The following TAF1C variants were observed in gnomAD, a reference collection of about 807,000 sequenced individuals.
The protein encoded by TAF1C is TATA-box binding protein associated factor, RNA polymerase I subunit C.
Under a neutral mutation model 70.5 loss-of-function variants are expected in TAF1C, and 79 were observed. The ratio of observed to expected loss-of-function variants is 1.12; its 90% CI spans 0.93 to 1.35. The LOEUF (loss-of-function observed/expected upper bound fraction) is 1.35. Ranked by LOEUF, TAF1C falls within the 40% of genes most tolerant of loss-of-function variation. TAF1C has a pLI of 0.00. For synonymous variants in TAF1C, 614 were observed against 491.1 expected, an observed-to-expected ratio of 1.25 and a Z score of -3.31; for missense variants, 1,412 against 1,127.8, an observed-to-expected ratio of 1.25 and a Z score of -3.61.
chr16:84,180,213 G>A lies in TAF1C; in HGVS notation c.1440C>T (p.Leu480=), dbSNP rs768587408. 23 of 1,540,438 alleles carry A rather than the reference G, an allele frequency of 1.5e-5. No individual in the cohort carries two copies. In the East Asian group the frequency reaches 4.5e-4, roughly 30 times the overall value. The change falls in exon 13 of 15, where the codon CTC becomes CTT. Residue 480 remains leucine, a synonymous_variant. Coordinates refer to ENST00000566732, the MANE Select transcript of TAF1C (RefSeq NM_001243156.2). ...GCAGCTGCCCACCCTGGCCTCCGAG[G>A]AGCAGGGGCTGCACGCAGCTGGGCC... ...PPRPSCVQPL[L]LGGQGGQLQL... is the part of the protein sequence containing the mutation.
In TAF1C at chr16:84,179,082, T is replaced by A; in HGVS notation, c.2391A>T (p.Pro797=). The part of the protein sequence containing the change: ...QMLRDYMAKL[P]PQRDTPGCAT... ...CACAGCCTGGGGTGTCCCTCTGGGG[T>A]GGTAGCTTGGCCATGTAGTCACGGA... The change falls in exon 15 of 15, where the codon CCA becomes CCT. Residue 797 remains proline, a synonymous_variant. Coordinates refer to ENST00000566732, the MANE Select transcript of TAF1C (RefSeq NM_001243156.2). 1 of 1,609,528 alleles carries A rather than the reference T, an allele frequency of 6.2e-7. No individual in the cohort carries two copies. Among genetic ancestry groups the A allele is most frequent in the South Asian group, 1.1e-5 (1 of 90,794 alleles).
chr16:84,178,534 C>T lies in TAF1C; in HGVS notation c.*407G>A, dbSNP rs1326185005. ...CACCTCATCAGCAGCTCTGCAGGGG[C>T]CTCACTCCACCCTCACCAAACACGA... On this transcript the variant is annotated 3_prime_UTR_variant, in exon 15 of 15. Transcript: ENST00000566732. The T allele has an allele frequency of 1.3e-5, 6 of 455,286 alleles. No homozygotes were observed. The highest frequency in any genetic ancestry group is 7.9e-5 in the South Asian group (5 of 63,076). 28.2% of individuals were successfully genotyped at this position (455,286 alleles called of 1,614,324 possible).
rs1031755163 is a variant in TAF1C at position 84,178,541 on chromosome 16, C to G, written c.*400G>C. ...TCAGCAGCTCTGCAGGGGCCTCACT[C>G]CACCCTCACCAAACACGAGGAGCCA... On this transcript the variant is annotated 3_prime_UTR_variant, in exon 15 of 15. Coordinates refer to ENST00000566732, the MANE Select transcript of TAF1C (RefSeq NM_001243156.2). 4 of 448,822 alleles carry G rather than the reference C, an allele frequency of 8.9e-6. No individual in the cohort carries two copies. Among genetic ancestry groups the G allele is most frequent in the Non-Finnish European group, 1.8e-5 (4 of 225,122 alleles). 27.8% of individuals were successfully genotyped at this position (448,822 alleles called of 1,614,324 possible).
rs1185390393 is a variant in TAF1C, at chr16:84,181,063, G to A, written c.1288C>T (p.Leu430Phe). The change falls in exon 12 of 15, where the codon CTT becomes TTT. Residue 430 changes from leucine (L) to phenylalanine (F), a missense_variant. By Grantham distance (22) the Leu-to-Phe change is conservative. Coordinates refer to ENST00000566732, the MANE Select transcript of TAF1C (RefSeq NM_001243156.2). ...CTCACCTGGGTACAGACGAGATGAAGAGTAGGGGGGAGGCATTTGGGGCTG... is the reference window on the plus strand; with the variant it reads ...CTCACCTGGGTACAGACGAGATGAAAAGTAGGGGGGAGGCATTTGGGGCTG... ...HSSPKCLPPTLHLVCTQFSLY... is the reference protein window; with the variant it reads ...HSSPKCLPPTFHLVCTQFSLY... 1.2e-6 allele frequency: 2 copies of A among 1,611,048 alleles called. No homozygotes were observed. The highest frequency in any genetic ancestry group is 1.7e-6 in the Non-Finnish European group (2 of 1,177,724).
At chr16:84,181,905 A>T (rs2089221220) in intron 8 of TAF1C, 37 bp downstream of exon 8, 1 of 1,614,040 alleles carries the variant, frequency 6.2e-7, no homozygotes, top group Admixed American at 1.7e-5. Context: ...GTAGCAGGTC[A>T]GCCAGTGAGG....
In TAF1C at chr16:84,179,856, T is replaced by G; in HGVS notation, c.1622-5A>C. The stretch of plus-strand genomic sequence containing the variant: ...GCGGGACGACGGCAGCCAGACCTGG[T>G]GACGGGAATGACAATGACCTCCAGG... On this transcript the variant is annotated splice_region_variant and splice_polypyrimidine_tract_variant and intron_variant, in intron 14 of 14. Transcript: ENST00000566732. The G allele has an allele frequency of 6.2e-7, 1 of 1,607,194 alleles. No individual in the cohort carries two copies. The highest frequency in any genetic ancestry group is 8.5e-7 in the Non-Finnish European group (1 of 1,176,432).
At chr16:84,186,196 C>T (rs3785035) in intron 1 of TAF1C, among the ~76,000 whole-genome samples, 102,865 of 152,200 alleles carry the variant, frequency 0.68, 35,776 homozygotes, top group African/African-American at 0.84. Flanking sequence ...GGCAGAGCTC[C>T]GAACCAGTGC....
rs938974661 is a variant in TAF1C, at chr16:84,179,243, C to T, written c.2230G>A (p.Glu744Lys). The change falls in exon 15 of 15, where the codon GAG becomes AAG. Residue 744 changes from glutamate to lysine, a missense_variant. By Grantham distance (56) the Glu-to-Lys change is moderately conservative (BLOSUM62 1). Coordinates refer to ENST00000566732, the MANE Select transcript of TAF1C (RefSeq NM_001243156.2). The stretch of plus-strand genomic sequence containing the variant: ...GGGCTATGAGGGGAGCTGGTGTCCT[C>T]TGAGGGATCCACATGGCCACTGAGC... ...FSLSGHVDPS[E>K]DTSSPHSPEW... 1 of 1,584,352 alleles carries T rather than the reference C, an allele frequency of 6.3e-7. No homozygotes were observed. Among genetic ancestry groups the T allele is most frequent in the Admixed American group, 1.8e-5 (1 of 56,940 alleles).
At chr16:84,184,511 T>A (rs2089377831) in intron 2 of TAF1C, among the ~76,000 whole-genome samples, 1 of 152,210 alleles carries the variant, frequency 6.6e-6, no homozygotes, top group Non-Finnish European at 1.5e-5. Context: ...CTGCTTTCAT[T>A]CCAAGCTCTG....
chr16:84,183,020 A>G, intron 6 of TAF1C, 56 bp downstream of exon 6: 2 of 1,581,974 alleles, frequency 1.3e-6, no homozygotes, highest in Non-Finnish European at 1.7e-6. Flanking sequence ...AGCACCTCCT[A>G]CATCCCCACC....
At position 84,178,112 on chromosome 16, in the gene TAF1C, C is replaced by T. The variant is rs1056616; in HGVS notation, c.*829G>A. On this transcript the variant is annotated 3_prime_UTR_variant, in exon 15 of 15. Coordinates refer to ENST00000566732, the MANE Select transcript of TAF1C (RefSeq NM_001243156.2). ...TCTTCCACTGCAGCTAGAGAAACTC[C>T]GAGGAAGAGGGACTTGATGCTTTAG... The T allele has an allele frequency of 0.13, 56,529 of 435,124 alleles. 4,512 individuals are homozygous for T. Among genetic ancestry groups the T allele is most frequent in the African/African-American group, 0.25 (12,155 of 49,312 alleles). 27.0% of individuals were successfully genotyped at this position (435,124 alleles called of 1,614,324 possible).
In TAF1C at chr16:84,182,258, C is replaced by T; in HGVS notation, c.665G>A (p.Arg222Lys). Residue 222 changes from arginine to lysine, a missense_variant, in exon 7 of 15, where the codon AGG becomes AAG. Coordinates refer to ENST00000566732, the MANE Select transcript of TAF1C (RefSeq NM_001243156.2). The surrounding 1 kb of genome is among the most constrained non-coding windows in gnomAD (Gnocchi z 5.0). Reference protein sequence around the residue: ...TGGALAWVPGRTPQFGQLVYP... With the variant: ...TGGALAWVPGKTPQFGQLVYP... ...GACCAGCTGCCCGAACTGGGGTGTC[C>T]TTCCAGGAACCCAGGCCAGCGCGCC... 6.2e-7 allele frequency: 1 copy of T among 1,613,046 alleles called. No homozygotes were observed. Among genetic ancestry groups the T allele is most frequent in the Non-Finnish European group, 8.5e-7 (1 of 1,179,980 alleles).
rs376368636 is a variant in TAF1C at position 84,181,761 on chromosome 16, G to A, written c.941C>T (p.Thr314Met). Residue 314 changes from threonine (T) to methionine (M), a missense_variant, in exon 9 of 15, where the codon ACG becomes ATG. Thr to Met is a moderately conservative substitution (Grantham distance 81). Transcript: ENST00000566732. ...LQAMQVEKGA[T>M]GISLSPHLPG... ...CCCCCCTCACCTGAGGCTGATCCCC[G>A]TGGCCCCTTTCTCCACCTGCATTGC... 6.1e-5 allele frequency: 99 copies of A among 1,613,890 alleles called. No individual in the cohort carries two copies. Among genetic ancestry groups the A allele is most frequent in the East Asian group, 8.9e-5 (4 of 44,890 alleles).
Position 84,180,020 on chromosome 16 carries a change from G to C in TAF1C, c.1547C>G (p.Ser516Cys). Reference protein sequence around the residue: ...PPQSLPSRIDSLPAFPLLEPK... With the variant: ...PPQSLPSRIDCLPAFPLLEPK... ...CTCCAGCAGAGGAAATGCAGGGAGG[G>C]AGTCGATCCTGGAAGGAAGAGACTG... Residue 516 changes from serine (S) to cysteine (C), a missense_variant, in exon 14 of 15, where the codon TCC becomes TGC. Physicochemically the swap from Ser to Cys is moderately radical, Grantham distance 112 (BLOSUM62 -1). Transcript: ENST00000566732. 6.2e-7 allele frequency: 1 copy of C among 1,611,346 alleles called. No individual in the cohort carries two copies. Among genetic ancestry groups the C allele is most frequent in the Non-Finnish European group, 8.5e-7 (1 of 1,179,368 alleles).
chr16:84,182,573 TC>T lies in TAF1C; in HGVS notation c.483-134del, dbSNP rs777187874. The T allele has an allele frequency of 5.2e-5, 43 of 832,808 alleles. No individual in the cohort carries two copies. Among genetic ancestry groups the T allele is most frequent in the Non-Finnish European group, 7.7e-5 (42 of 546,692 alleles). The allele number at this position is 832,808 out of a possible 1,614,324, so 51.6% of individuals were successfully genotyped here. On this transcript the variant is annotated intron_variant, in intron 6 of 14. Coordinates refer to ENST00000566732, the MANE Select transcript of TAF1C (RefSeq NM_001243156.2). The surrounding 1 kb of genome is among the most constrained non-coding windows in gnomAD (Gnocchi z 5.0). ...TTTCTTCCTTTGGGAGACCACCCCATCCTGTTCCCATGCCCCGGAAGCAATC... is the reference window on the plus strand; with the variant it reads ...TTTCTTCCTTTGGGAGACCACCCCATCTGTTCCCATGCCCCGGAAGCAATC...
Position 84,179,900 on chromosome 16 carries a change from A to T in TAF1C, c.1621+46T>A, listed in dbSNP as rs567843279. ...CTCCAGGGCCTAGCGGGGGGAGGGG[A>T]TGTTTTCCACTGCGCCCCCCAAGCT... On this transcript the variant is annotated intron_variant, in intron 14 of 14. Coordinates refer to ENST00000566732, the MANE Select transcript of TAF1C (RefSeq NM_001243156.2). 37 of 1,608,728 alleles carry T rather than the reference A, an allele frequency of 2.3e-5. No individual in the cohort carries two copies. The East Asian group carries it at 4.5e-4, about 19-fold the overall frequency.
Position 84,179,858 on chromosome 16 carries a change from A to T in TAF1C, c.1622-7T>A, listed in dbSNP as rs2089023793. On this transcript the variant is annotated splice_region_variant and splice_polypyrimidine_tract_variant and intron_variant, in intron 14 of 14. Transcript: ENST00000566732. The stretch of plus-strand genomic sequence containing the variant: ...GGGACGACGGCAGCCAGACCTGGTG[A>T]CGGGAATGACAATGACCTCCAGGGC... The T allele has an allele frequency of 2.5e-6, 4 of 1,607,378 alleles. No individual in the cohort carries two copies. In the South Asian group the frequency reaches 3.3e-5, roughly 13 times the overall value.
At chr16:84,184,254 C>G (rs751081558) in intron 2 of TAF1C, among the ~76,000 whole-genome samples, 8 of 152,168 alleles carry the variant, frequency 5.3e-5, no homozygotes, top group Non-Finnish European at 1.0e-4. Flanking sequence ...CCCAATTTGA[C>G]GCCAGACCCT....
intron 12 of TAF1C, chr16:84,180,671 G>C (rs1392748742): frequency 1.3e-6 from 1 of 756,396 alleles, no homozygotes; most frequent in African/African-American, 1.8e-5. Flanking sequence ...GCCTGTGCTC[G>C]AGGCACGCCT....
Sources: gnomAD v4.1 joint callset for allele counts (sites outside exome capture counted in the v4.1 genomes callset) on GRCh38, gnomAD v4.1.1 for gene constraint, Gnocchi (gnomAD v3.1) non-coding constraint, MANE v1.5 for transcripts, NCBI Gene and HGNC (gene_info 2026-07-23, HGNC 2026-07-21) for gene names.